CDH13: variants seen among roughly 807,000 people sequenced by gnomAD.
The protein encoded by CDH13 is cadherin 13.
A neutral mutation model predicts 63.8 loss-of-function variants in CDH13; 24 were observed. The observed-to-expected ratio is 0.38, with a 90% CI of 0.27 to 0.53. The LOEUF (loss-of-function observed/expected upper bound fraction) is 0.53, where lower values mean the gene tolerates loss of function less well. Among genes scored for constraint, CDH13 ranks in the 20% least tolerant of loss-of-function variants. The pLI is 0.85. For missense variants in CDH13, 1,049 were observed against 903.1 expected, an observed-to-expected ratio of 1.16 and a Z score of -2.07; for synonymous variants, 503 against 355.3, an observed-to-expected ratio of 1.42 and a Z score of -4.67.
intron 8 of CDH13, among the ~76,000 whole-genome samples, chr16:83,619,615 G>A (rs1297620942): frequency 1.3e-5 from 2 of 152,204 alleles, no homozygotes; most frequent in Non-Finnish European, 2.9e-5. Flanking sequence ...TCCTGGGCTT[G>A]TGCATGAGCA....
At chr16:83,768,711 A>G (rs950301837) in intron 11 of CDH13, among the ~76,000 whole-genome samples, 1 of 152,252 alleles carries the variant, frequency 6.6e-6, no homozygotes, top group African/African-American at 2.4e-5. Flanking sequence ...TTTTTAGACC[A>G]TATAGGGTAA....
intron 2 of CDH13, among the ~76,000 whole-genome samples, chr16:82,879,392 C>G (rs2040615442): frequency 6.6e-6 from 1 of 150,534 alleles, no homozygotes; most frequent in African/African-American, 2.4e-5. Context: ...TCAAACCTCA[C>G]TTTGAGCCTT....
intron 2 of CDH13, among the ~76,000 whole-genome samples, chr16:82,929,923 A>C (rs1295913829): frequency 3.3e-5 from 5 of 151,996 alleles, no homozygotes; most frequent in Non-Finnish European, 7.4e-5. Context: ...ACATACACAT[A>C]ACAACACTCA....
chr16:82,820,896 A>T (rs1055064211), intron 1 of CDH13, among the ~76,000 whole-genome samples: 1 of 121,580 alleles, frequency 8.2e-6, no homozygotes, highest in African/African-American at 2.7e-5. Context: ...ATTCATATGA[A>T]TATGCCTGCC....
intron 3 of CDH13, among the ~76,000 whole-genome samples, chr16:83,036,220 G>T (rs956642732): frequency 2.8e-5 from 4 of 144,718 alleles, no homozygotes; most frequent in Non-Finnish European, 3.0e-5. Flanking sequence ...TACAATCTCA[G>T]CTCACTGCAA....
chr16:83,229,715 C>A (rs2039949249), intron 5 of CDH13, among the ~76,000 whole-genome samples: 1 of 152,118 alleles, frequency 6.6e-6, no homozygotes, highest in Non-Finnish European at 1.5e-5. Flanking sequence ...GCATAATAGG[C>A]TCCTTTAAGT....
chr16:83,111,714 A>G (rs2035065717), intron 3 of CDH13, among the ~76,000 whole-genome samples: 1 of 152,254 alleles, frequency 6.6e-6, no homozygotes, highest in South Asian at 2.1e-4. Flanking sequence ...TGCTGTAGCC[A>G]TCATAAAAAC....
At chr16:82,945,326 G>A (rs1383216288) in intron 2 of CDH13, among the ~76,000 whole-genome samples, 3 of 152,120 alleles carry the variant, frequency 2.0e-5, no homozygotes, top group African/African-American at 7.2e-5. Context: ...AAAAAACAAA[G>A]GGTCAGATTT....
intron 3 of CDH13, among the ~76,000 whole-genome samples, chr16:83,113,492 C>A (rs2035159314): frequency 6.6e-6 from 1 of 152,200 alleles, no homozygotes; most frequent in Non-Finnish European, 1.5e-5. Flanking sequence ...GTGCTAGGCA[C>A]CAGGGGGCGT....
intron 2 of CDH13, among the ~76,000 whole-genome samples, chr16:82,984,793 C>A (rs749027234): frequency 6.6e-6 from 1 of 152,264 alleles, no homozygotes; most frequent in African/African-American, 2.4e-5. Context: ...ATGCTTTATA[C>A]ACACATACTA....
chr16:82,843,421 A>T (rs2039116606), intron 1 of CDH13, among the ~76,000 whole-genome samples: 1 of 152,188 alleles, frequency 6.6e-6, no homozygotes, highest in African/African-American at 2.4e-5. Flanking sequence ...AGGCAGTTAG[A>T]TTTTAAAGAA....
chr16:83,491,882 G>A (rs2074022527), intron 7 of CDH13, among the ~76,000 whole-genome samples: 1 of 152,144 alleles, frequency 6.6e-6, no homozygotes, highest in Admixed American at 6.5e-5. Context: ...TAGGCCAGAT[G>A]TAAAAATGGA....
chr16:83,090,823 C>T (rs1397026837), intron 3 of CDH13, among the ~76,000 whole-genome samples: 2 of 151,388 alleles, frequency 1.3e-5, no homozygotes, highest in Non-Finnish European at 2.9e-5. Context: ...CTAATAAAAA[C>T]AAATCCGGAA....
chr16:83,239,798 G>A (rs1426762871), intron 5 of CDH13, among the ~76,000 whole-genome samples: 1 of 152,176 alleles, frequency 6.6e-6, no homozygotes, highest in Admixed American at 6.5e-5. Context: ...TACAGCAGAA[G>A]AGCAGGCAGG....
chr16:82,924,074 G>A (rs1267578730), intron 2 of CDH13, among the ~76,000 whole-genome samples: 4 of 152,206 alleles, frequency 2.6e-5, no homozygotes, highest in African/African-American at 9.6e-5. Context: ...AATCAAAGTT[G>A]ATGGAGATTA....
intron 8 of CDH13, among the ~76,000 whole-genome samples, chr16:83,614,696 A>G (rs961973903): frequency 1.3e-5 from 2 of 152,156 alleles, no homozygotes; most frequent in Admixed American, 6.5e-5. Flanking sequence ...GCTTTCCCCA[A>G]TCATCATAAA....
chr16:83,192,439 G>T (rs1049521662), intron 4 of CDH13, among the ~76,000 whole-genome samples: 2 of 152,102 alleles, frequency 1.3e-5, no homozygotes. Context: ...GTGCTTTTTT[G>T]ACATTTCTGG....
intron 7 of CDH13, among the ~76,000 whole-genome samples, chr16:83,528,569 A>C (rs1216076645): frequency 6.6e-6 from 1 of 152,146 alleles, no homozygotes; most frequent in African/African-American, 2.4e-5. Context: ...ATATTACATA[A>C]ATCTTATTTC....
At chr16:82,915,012 G>A (rs980297184) in intron 2 of CDH13, among the ~76,000 whole-genome samples, 5 of 152,180 alleles carry the variant, frequency 3.3e-5, no homozygotes, top group Non-Finnish European at 7.3e-5. Context: ...AAATTTGCAC[G>A]ATGTGCAGTG....
Sources: allele counts gnomAD v4.1 joint callset (sites outside exome capture counted in the v4.1 genomes callset), GRCh38; gene constraint gnomAD v4.1.1; transcripts MANE v1.5; gene names NCBI Gene and HGNC (gene_info 2026-07-23, HGNC 2026-07-21).